Variants in DCLK1 observed in about 807,000 individuals in gnomAD.
DCLK1 encodes the protein doublecortin like kinase 1.
Under a neutral mutation model 86.2 loss-of-function variants are expected in DCLK1, and 16 were observed. The ratio of observed to expected loss-of-function variants is 0.19; its 90% confidence interval spans 0.13 to 0.28. DCLK1 has a LOEUF of 0.28. DCLK1 is among the 10% of genes least tolerant of loss of function. The pLI, the probability that DCLK1 is intolerant of heterozygous loss-of-function variation, is 1.00. For missense variants in DCLK1, 590 were observed against 940.2 expected, an observed-to-expected ratio of 0.63 and a Z score of 4.87; for synonymous variants, 369 against 370.5, an observed-to-expected ratio of 1.00 and a Z score of 0.05.
chr13:35,820,987 T>C lies in DCLK1; in HGVS notation c.1554+1742A>G, dbSNP rs113733547. ...GAAGACATGTGTCTCTCTTGTTCCC[T>C]GGCACAGTACCTGACACATAGCAAG... On this transcript the variant is annotated intron_variant, in intron 11 of 16. Coordinates refer to ENST00000360631, the MANE Select transcript of DCLK1 (RefSeq NM_001330071.2). Among the ~76,000 whole-genome samples the C allele has an allele frequency of 3.7e-3, 567 of 152,346 alleles. 2 individuals are homozygous for C. The highest frequency in any genetic ancestry group is 0.013 in the African/African-American group (531 of 41,592).
chr13:36,071,055 G>C (rs911032006), intron 3 of DCLK1, among the ~76,000 whole-genome samples: 9 of 152,022 alleles, frequency 5.9e-5, no homozygotes, highest in African/African-American at 2.2e-4. Context: ...CAGTCTACAA[G>C]GAAATTTTTT....
At chr13:35,943,483 A>G (rs1284955901) in intron 4 of DCLK1, among the ~76,000 whole-genome samples, 7 of 152,340 alleles carry the variant, frequency 4.6e-5, no homozygotes, top group African/African-American at 1.7e-4. Flanking sequence ...AACGCCTATT[A>G]ACATCAGAAT....
intron 3 of DCLK1, among the ~76,000 whole-genome samples, chr13:35,997,376 C>T (rs1021370851): frequency 6.6e-6 from 1 of 152,302 alleles, no homozygotes; most frequent in Non-Finnish European, 1.5e-5. Context: ...GGAAAATCAT[C>T]GTAGAGCAGA....
At chr13:35,799,423 A>G (rs1472744263) in intron 15 of DCLK1, among the ~76,000 whole-genome samples, 1 of 151,862 alleles carries the variant, frequency 6.6e-6, no homozygotes, top group Non-Finnish European at 1.5e-5. Context: ...GGCTAATTTT[A>G]TATTTCTAGT....
intron 4 of DCLK1, among the ~76,000 whole-genome samples, chr13:35,876,936 G>C (rs1158542371): frequency 6.6e-6 from 1 of 152,154 alleles, no homozygotes; most frequent in Non-Finnish European, 1.5e-5. Context: ...CTAACAGATG[G>C]TAATTTCTCT....
At chr13:35,937,289 A>G (rs1876819170) in intron 4 of DCLK1, among the ~76,000 whole-genome samples, 2 of 152,090 alleles carry the variant, frequency 1.3e-5, no homozygotes, top group Admixed American at 1.3e-4. Context: ...AGTTAGCTTT[A>G]AAATCACAGT....
At chr13:36,129,113 A>G (rs1286463321) in intron 1 of DCLK1, among the ~76,000 whole-genome samples, 1 of 152,208 alleles carries the variant, frequency 6.6e-6, no homozygotes, top group African/African-American at 2.4e-5. Context: ...ATTTCCTTCC[A>G]AATTGATATA....
At position 36,077,130 on chromosome 13, in the gene DCLK1, G is replaced by A. The variant is rs1164163974; in HGVS notation, c.723+34739C>T. 3.3e-5 allele frequency among the ~76,000 whole-genome samples: 5 copies of A among 152,238 alleles called. No individual in the cohort carries two copies. In the South Asian group the frequency reaches 6.2e-4, roughly 19 times the overall value. On this transcript the variant is annotated intron_variant, in intron 3 of 16. Transcript: ENST00000360631. ...CACTAATGCTTCTCAACTACCCAGT[G>A]GGGTAATCACTCTGTTCTGTCCCAA...
chr13:36,098,139 C>G (rs1885079841), intron 3 of DCLK1, among the ~76,000 whole-genome samples: 1 of 152,070 alleles, frequency 6.6e-6, no homozygotes, highest in African/African-American at 2.4e-5. Flanking sequence ...TGATATTATC[C>G]CTGGGCTGGA....
chr13:36,049,709 A>T (rs1290730769), intron 3 of DCLK1, among the ~76,000 whole-genome samples: 2 of 152,168 alleles, frequency 1.3e-5, no homozygotes, highest in African/African-American at 4.8e-5. Flanking sequence ...ATTTTCTTTG[A>T]AATCATATTT....
chr13:36,001,362 T>C (rs1477866923), intron 3 of DCLK1, among the ~76,000 whole-genome samples: 2 of 152,130 alleles, frequency 1.3e-5, no homozygotes, highest in Non-Finnish European at 2.9e-5. Flanking sequence ...AACATCAAAG[T>C]AATAAAGTTT....
At chr13:35,879,916 G>C (rs947165087) in intron 4 of DCLK1, among the ~76,000 whole-genome samples, 1 of 151,910 alleles carries the variant, frequency 6.6e-6, no homozygotes, top group African/African-American at 2.4e-5. Flanking sequence ...GACCAAAAAC[G>C]TCCCCACACA....
chr13:35,987,100 A>G (rs1477374272), intron 3 of DCLK1, among the ~76,000 whole-genome samples: 1 of 152,190 alleles, frequency 6.6e-6, no homozygotes, highest in Non-Finnish European at 1.5e-5. Flanking sequence ...AGGGGTGGAC[A>G]ATAGAGACTG....
chr13:35,966,054 T>C (rs1378335171), intron 3 of DCLK1, among the ~76,000 whole-genome samples: 2 of 152,064 alleles, frequency 1.3e-5, no homozygotes, highest in Non-Finnish European at 2.9e-5. Flanking sequence ...TTTTTGAAAA[T>C]ACAATTCATT....
At chr13:35,811,967 T>G (rs543713646) in intron 11 of DCLK1, among the ~76,000 whole-genome samples, 27 of 152,348 alleles carry the variant, frequency 1.8e-4, no homozygotes, top group Non-Finnish European at 3.2e-4. Context: ...TTCTTAATAA[T>G]TGAAAGAGAT....
chr13:35,785,262 T>G (rs1186631746), intron 16 of DCLK1, among the ~76,000 whole-genome samples: 2 of 152,196 alleles, frequency 1.3e-5, no homozygotes, highest in African/African-American at 2.4e-5. Context: ...GGTGACAGCT[T>G]CACTTGGGAA....
chr13:35,850,266 AC>A (rs1316937202), intron 6 of DCLK1: 1 of 984,322 alleles, frequency 1.0e-6, no homozygotes, highest in Non-Finnish European at 1.2e-6. Flanking sequence ...AAACAATATA[AC>A]CTTTAGAAAA....
chr13:35,975,423 G>A (rs1422284221), intron 3 of DCLK1, among the ~76,000 whole-genome samples: 1 of 152,104 alleles, frequency 6.6e-6, no homozygotes, highest in Non-Finnish European at 1.5e-5. Context: ...GGGCAACAAG[G>A]TGCAGGGAGG....
intron 10 of DCLK1, among the ~76,000 whole-genome samples, chr13:35,823,204 C>T (rs1456201297): frequency 4.6e-5 from 7 of 152,120 alleles, no homozygotes; most frequent in African/African-American, 7.2e-5. Context: ...GACTGTGACA[C>T]GTGAAGATCC....
Sources: gnomAD v4.1 joint callset for allele counts (sites outside exome capture counted in the v4.1 genomes callset) on GRCh38, gnomAD v4.1.1 for gene constraint, MANE v1.5 for transcripts, NCBI Gene and HGNC (gene_info 2026-07-23, HGNC 2026-07-21) for gene names.